PARVA: variants seen among roughly 807,000 people sequenced by gnomAD.
The protein encoded by PARVA is parvin alpha.
A neutral mutation model predicts 52.6 loss-of-function variants in PARVA; 25 were observed. The ratio of observed to expected loss-of-function variants is 0.48; its 90% CI spans 0.35 to 0.66. The LOEUF (loss-of-function observed/expected upper bound fraction) is 0.66. PARVA is among the 30% of genes least tolerant of loss of function. The probability of loss-of-function intolerance (pLI) is 0.01; values close to 1 mark genes in which losing one functional copy is unlikely to be tolerated. For missense variants in PARVA, 373 were observed against 450.9 expected, an observed-to-expected ratio of 0.83 and a Z score of 1.56; for synonymous variants, 185 against 179.1, an observed-to-expected ratio of 1.03 and a Z score of -0.26.
At chr11:12,413,970 C>T (rs1370727048) in intron 1 of PARVA, among the ~76,000 whole-genome samples, 3 of 152,166 alleles carry the variant, frequency 2.0e-5, no homozygotes, top group African/African-American at 4.8e-5. Context: ...AGCCTAAGTC[C>T]CTCTCAAAGC....
chr11:12,475,381 A>G (rs974782664), intron 3 of PARVA, among the ~76,000 whole-genome samples: 1 of 152,178 alleles, frequency 6.6e-6, no homozygotes, highest in Non-Finnish European at 1.5e-5. Flanking sequence ...TCCACGTAAT[A>G]TTATAGCTTC....
At chr11:12,474,511 TG>T (rs1454547976) in intron 3 of PARVA, among the ~76,000 whole-genome samples, 1 of 152,160 alleles carries the variant, frequency 6.6e-6, no homozygotes, top group Non-Finnish European at 1.5e-5. Context: ...TCTTATTCCC[TG>T]TCCTATGTTC....
intron 1 of PARVA, among the ~76,000 whole-genome samples, chr11:12,424,357 T>C (rs946695608): frequency 2.0e-5 from 3 of 152,328 alleles, no homozygotes; most frequent in Non-Finnish European, 4.4e-5. Flanking sequence ...TTTCATCGTG[T>C]CCTGCAGCAT....
intron 1 of PARVA, among the ~76,000 whole-genome samples, chr11:12,386,827 T>G (rs1939578468): frequency 1.3e-5 from 2 of 152,224 alleles, no homozygotes; most frequent in South Asian, 2.1e-4. Context: ...AAATTCAGTT[T>G]TATTGTCTGT....
chr11:12,510,021 G>A (rs1045740018), intron 7 of PARVA, among the ~76,000 whole-genome samples: 1 of 152,214 alleles, frequency 6.6e-6, no homozygotes, highest in Non-Finnish European at 1.5e-5. Flanking sequence ...TCGGATGCAT[G>A]TTATGCTTTC....
chr11:12,508,569 C>CCA lies in PARVA; in HGVS notation c.658-13_658-12dup, dbSNP rs745591264. ...TCTCTTCTCCTCCCAACCCCTTTCC[C>CCA]CACCCCCATTTCAGAAACGAGAAGG... On this transcript the variant is annotated splice_polypyrimidine_tract_variant and intron_variant, in intron 6 of 12. Coordinates refer to ENST00000334956, the MANE Select transcript of PARVA (RefSeq NM_018222.5). 6.2e-7 allele frequency: 1 copy of CCA among 1,601,894 alleles called. No individual in the cohort carries two copies. The highest frequency in any genetic ancestry group is 8.5e-7 in the Non-Finnish European group (1 of 1,170,596).
intron 4 of PARVA, among the ~76,000 whole-genome samples, chr11:12,493,819 A>C (rs1589979346): frequency 6.6e-6 from 1 of 152,146 alleles, no homozygotes; most frequent in Non-Finnish European, 1.5e-5. Context: ...GCAATTTTCC[A>C]GTTCTCTATG....
intron 1 of PARVA, among the ~76,000 whole-genome samples, chr11:12,462,601 T>C (rs1940799008): frequency 6.6e-6 from 1 of 152,208 alleles, no homozygotes; most frequent in African/African-American, 2.4e-5. Context: ...ACATTTGTAT[T>C]GTGTTATGCC....
At chr11:12,524,249 G>A (rs1941674390) in intron 12 of PARVA, among the ~76,000 whole-genome samples, 2 of 152,140 alleles carry the variant, frequency 1.3e-5, no homozygotes, top group Admixed American at 1.3e-4. Flanking sequence ...TATATTCTGG[G>A]TGTTTTTCAT....
intron 1 of PARVA, among the ~76,000 whole-genome samples, chr11:12,454,049 C>T (rs1374848755): frequency 6.6e-6 from 1 of 152,188 alleles, no homozygotes; most frequent in Admixed American, 6.5e-5. Context: ...AAGGTCACAG[C>T]CAGAGAAGAC....
At chr11:12,430,114 T>C (rs571884035) in intron 1 of PARVA, among the ~76,000 whole-genome samples, 18 of 152,322 alleles carry the variant, frequency 1.2e-4, no homozygotes, top group African/African-American at 2.9e-4. Context: ...GCAATGTTGG[T>C]TGATTTCCAA....
chr11:12,464,318 A>G (rs1450023103), intron 1 of PARVA, among the ~76,000 whole-genome samples: 1 of 152,202 alleles, frequency 6.6e-6, no homozygotes, highest in Non-Finnish European at 1.5e-5. Context: ...GCATTACCAC[A>G]TGGACCATTC....
chr11:12,386,837 T>G (rs1286269029), intron 1 of PARVA, among the ~76,000 whole-genome samples: 1 of 152,248 alleles, frequency 6.6e-6, no homozygotes, highest in African/African-American at 2.4e-5. Flanking sequence ...TTATTGTCTG[T>G]GTAGGGTGGT....
At position 12,453,356 on chromosome 11, in the gene PARVA, A is replaced by G. The variant is rs956253460; in HGVS notation, c.137-20389A>G. 3.3e-5 allele frequency among the ~76,000 whole-genome samples: 5 copies of G among 152,270 alleles called. No individual in the cohort carries two copies. The East Asian group carries it at 7.8e-4, about 24-fold the overall frequency. ...TTACTGCTTGCTGTTCTGTGCTCCT[A>G]CATAATGGTAGGATTCTGAAACAAT... On this transcript the variant is annotated intron_variant, in intron 1 of 12. Coordinates refer to ENST00000334956, the MANE Select transcript of PARVA (RefSeq NM_018222.5).
At chr11:12,488,568 C>T (rs1439330183) in intron 4 of PARVA, among the ~76,000 whole-genome samples, 1 of 152,006 alleles carries the variant, frequency 6.6e-6, no homozygotes, top group East Asian at 1.9e-4. Context: ...GGATTCGAGC[C>T]CCCTGAATAG....
At chr11:12,493,255 C>T (rs1444737638) in intron 4 of PARVA, among the ~76,000 whole-genome samples, 1 of 151,366 alleles carries the variant, frequency 6.6e-6, no homozygotes, top group Non-Finnish European at 1.5e-5. Flanking sequence ...ACTTAGGAGG[C>T]TGAGACAGGA....
chr11:12,500,780 G>C (rs1475484115), intron 5 of PARVA, among the ~76,000 whole-genome samples: 2 of 147,742 alleles, frequency 1.4e-5, no homozygotes, highest in Non-Finnish European at 3.0e-5. Flanking sequence ...GACAGAGTGA[G>C]ACTCCATCTC....
intron 1 of PARVA, among the ~76,000 whole-genome samples, chr11:12,427,299 G>A (rs4756866): frequency 0.97 from 147,413 of 152,328 alleles, 71,515 homozygotes; most frequent in East Asian, 1. Context: ...ATTTATTGTC[G>A]TAAAATCTGA....
chr11:12,523,026 G>A (rs4756918), intron 12 of PARVA, among the ~76,000 whole-genome samples: 135,405 of 152,134 alleles, frequency 0.89, 61,195 homozygotes, highest in Non-Finnish European at 0.97. Flanking sequence ...TTTTTGACGG[G>A]CAGGAGTTCA....
Sources: allele counts gnomAD v4.1 joint callset (sites outside exome capture counted in the v4.1 genomes callset), GRCh38; gene constraint gnomAD v4.1.1; transcripts MANE v1.5; gene names NCBI Gene and HGNC (gene_info 2026-07-23, HGNC 2026-07-21).